RABGAP1L: variants seen among roughly 807,000 people sequenced by gnomAD.
RABGAP1L encodes rab GTPase-activating protein 1-like.
RABGAP1L carries 63 observed loss-of-function variants against 137.7 expected under a neutral mutation model. The ratio of observed to expected loss-of-function variants is 0.46; its 90% CI spans 0.37 to 0.56. RABGAP1L has a LOEUF of 0.56. Ranked by LOEUF, RABGAP1L falls within the 20% of genes least tolerant of loss-of-function variation. The pLI, the probability that RABGAP1L is intolerant of heterozygous loss-of-function variation, is 0.00. For missense variants in RABGAP1L, 1,095 were observed against 1,244.0 expected (o/e 0.88, Z 1.80); for synonymous variants, 431 against 433.7 (o/e 0.99, Z 0.08).
At position 174,275,850 on chromosome 1, in the gene RABGAP1L, C is replaced by T; in HGVS notation, c.1071C>T (p.Ser357=). 1 of 1,611,578 alleles carries T rather than the reference C, an allele frequency of 6.2e-7. No homozygotes were observed. Residue 357 remains serine (S), a synonymous_variant, in exon 9 of 26, where the codon AGC becomes AGT. Transcript: ENST00000681986. ...HLLDMESMGK[S]YDGRAYVITG... ...TTTTATAGGAATCCATGGGAAAGAG[C>T]TATGATGGGAGAGCTTATGTCATCA...
intron 11 of RABGAP1L, among the ~76,000 whole-genome samples, chr1:174,310,261 C>G (rs144675233): frequency 6.6e-6 from 1 of 152,042 alleles, no homozygotes; most frequent in East Asian, 1.9e-4. Flanking sequence ...GTGAATTTTC[C>G]GAAGCTTTTT....
chr1:174,206,349 A>G (rs1040189904), intron 1 of RABGAP1L, among the ~76,000 whole-genome samples: 1 of 152,196 alleles, frequency 6.6e-6, no homozygotes, highest in African/African-American at 2.4e-5. Flanking sequence ...TTGCTTGGGA[A>G]CTAGAGTAGT....
intron 19 of RABGAP1L, among the ~76,000 whole-genome samples, chr1:174,852,913 G>C (rs1166717880): frequency 6.6e-6 from 1 of 151,964 alleles, no homozygotes. Flanking sequence ...GTAGAAAAAT[G>C]TTTCTATATT....
At chr1:174,460,246 T>C (rs1303238147) in intron 13 of RABGAP1L, among the ~76,000 whole-genome samples, 1 of 151,930 alleles carries the variant, frequency 6.6e-6, no homozygotes, top group African/African-American at 2.4e-5. Flanking sequence ...TTTTTCCTCC[T>C]CATTCATTTA....
intron 17 of RABGAP1L, among the ~76,000 whole-genome samples, chr1:174,720,432 G>C (rs1288204321): frequency 6.6e-6 from 1 of 151,940 alleles, no homozygotes; most frequent in Non-Finnish European, 1.5e-5. Context: ...TCCCACCTCA[G>C]CTTCCTGAGT....
chr1:174,550,073 A>C (rs1398847676), intron 13 of RABGAP1L, among the ~76,000 whole-genome samples: 2 of 152,204 alleles, frequency 1.3e-5, no homozygotes, highest in Non-Finnish European at 2.9e-5. Flanking sequence ...AAAATAAATT[A>C]TTAAAATTTC....
intron 13 of RABGAP1L, among the ~76,000 whole-genome samples, chr1:174,396,442 A>G (rs1015972675): frequency 5.9e-5 from 9 of 152,030 alleles, no homozygotes; most frequent in Non-Finnish European, 8.8e-5. Context: ...GTGCTTTATA[A>G]TATCTATAAT....
At chr1:174,574,296 A>T (rs1668202419) in intron 13 of RABGAP1L, among the ~76,000 whole-genome samples, 1 of 152,232 alleles carries the variant, frequency 6.6e-6, no homozygotes, top group Admixed American at 6.5e-5. Context: ...TAAAAGAAAG[A>T]TGGTGACCCT....
chr1:174,563,192 G>C (rs1326838097), intron 13 of RABGAP1L, among the ~76,000 whole-genome samples: 1 of 152,106 alleles, frequency 6.6e-6, no homozygotes. Flanking sequence ...GAGTTTGACA[G>C]TGCATCCTTT....
At chr1:174,455,792 A>G (rs1395067857) in intron 13 of RABGAP1L, among the ~76,000 whole-genome samples, 1 of 152,138 alleles carries the variant, frequency 6.6e-6, no homozygotes, top group African/African-American at 2.4e-5. Context: ...TTTTGAACAT[A>G]TATAATGCTC....
At chr1:174,409,949 C>T (rs557623377) in intron 13 of RABGAP1L, among the ~76,000 whole-genome samples, 2 of 152,272 alleles carry the variant, frequency 1.3e-5, no homozygotes, top group Non-Finnish European at 2.9e-5. Flanking sequence ...TTGCCCTTTG[C>T]CTTGTGATCT....
At chr1:174,653,279 C>T (rs1463785976) in intron 14 of RABGAP1L, among the ~76,000 whole-genome samples, 2 of 152,154 alleles carry the variant, frequency 1.3e-5, no homozygotes, top group African/African-American at 4.8e-5. Flanking sequence ...GGCTCCCTGG[C>T]TTCAGCCCCC....
intron 10 of RABGAP1L, among the ~76,000 whole-genome samples, chr1:174,289,295 G>A (rs1037804078): frequency 2.0e-5 from 3 of 152,146 alleles, no homozygotes; most frequent in Non-Finnish European, 4.4e-5. Flanking sequence ...TTCTCGCCTG[G>A]CCTCCCAAAG....
intron 11 of RABGAP1L, among the ~76,000 whole-genome samples, chr1:174,325,266 C>A (rs1201800234): frequency 2.0e-5 from 3 of 152,176 alleles, no homozygotes; most frequent in Non-Finnish European, 4.4e-5. Flanking sequence ...AGCATCGTGG[C>A]AGTTTCTCAG....
chr1:174,400,052 C>T (rs190722739), intron 13 of RABGAP1L, among the ~76,000 whole-genome samples: 1 of 152,256 alleles, frequency 6.6e-6, no homozygotes, highest in Admixed American at 6.5e-5. Flanking sequence ...ACCCACAAAT[C>T]ACATTCTGAA....
At chr1:174,483,781 T>G (rs1182402431) in intron 13 of RABGAP1L, among the ~76,000 whole-genome samples, 1 of 151,438 alleles carries the variant, frequency 6.6e-6, no homozygotes, top group Admixed American at 6.6e-5. Flanking sequence ...GAGCCATGAT[T>G]GCACCACTGC....
chr1:174,569,370 A>G (rs2148044154), intron 13 of RABGAP1L, among the ~76,000 whole-genome samples: 1 of 152,214 alleles, frequency 6.6e-6, no homozygotes, highest in East Asian at 1.9e-4. Flanking sequence ...GTCATAGCTC[A>G]TCTTAGATCA....
At chr1:174,403,337 C>T (rs1352042850) in intron 13 of RABGAP1L, among the ~76,000 whole-genome samples, 2 of 150,172 alleles carry the variant, frequency 1.3e-5, no homozygotes, top group African/African-American at 4.9e-5. Flanking sequence ...GGAGTGGTGG[C>T]TCTTCACAGG....
intron 13 of RABGAP1L, among the ~76,000 whole-genome samples, chr1:174,629,527 A>G (rs1350033216): frequency 6.6e-6 from 1 of 152,054 alleles, no homozygotes; most frequent in Non-Finnish European, 1.5e-5. Flanking sequence ...AGGAAGGGGA[A>G]TTTTATTTTA....
Sources: gnomAD v4.1 joint callset for allele counts (sites outside exome capture counted in the v4.1 genomes callset) on GRCh38, gnomAD v4.1.1 for gene constraint, MANE v1.5 for transcripts, NCBI Gene and HGNC (gene_info 2026-07-23, HGNC 2026-07-21) for gene names.